The following B4GALNT3 variants were observed in gnomAD, a reference collection of about 807,000 sequenced individuals.
B4GALNT3 encodes beta-1,4-N-acetyl-galactosaminyltransferase 3.
Under a neutral mutation model 120.2 loss-of-function variants are expected in B4GALNT3, and 86 were observed. That is an observed-to-expected ratio of 0.72 (90% CI 0.60 to 0.86). B4GALNT3 has a LOEUF of 0.86. B4GALNT3 is among the 40% of genes least tolerant of loss of function. The pLI is 0.00. For missense variants in B4GALNT3, 1,167 were observed against 1,298.9 expected (o/e 0.90, Z 1.56); for synonymous variants, 518 against 510.4 (o/e 1.01, Z -0.20).
intron 14 of B4GALNT3, chr12:555,243 T>C: frequency 2.5e-6 from 1 of 401,772 alleles, no homozygotes. Context: ...TTCCCATTCC[T>C]CCTCCTACCC....
Position 561,647 on chromosome 12 carries a change from T to C in B4GALNT3, c.*196T>C. On this transcript the variant is annotated 3_prime_UTR_variant, in exon 20 of 20. Coordinates refer to ENST00000266383, the MANE Select transcript of B4GALNT3 (RefSeq NM_173593.4). ...GGCTCCTGTCTCTGCCTCCTGGGCC[T>C]TCAGAAGGGAGGACTTTGAGAGAGA... 1 of 568,490 alleles carries C rather than the reference T, an allele frequency of 1.8e-6. No individual in the cohort carries two copies. Among genetic ancestry groups the C allele is most frequent in the Admixed American group, 3.1e-5 (1 of 32,438 alleles). The allele number at this position is 568,490 out of a possible 1,614,324, so 35.2% of individuals were successfully genotyped here. A position where few individuals can be genotyped will look rare whatever the true frequency, so the allele number is the denominator to read the frequency against.
chr12:559,795 C>T lies in B4GALNT3; in HGVS notation c.2888+374C>T, dbSNP rs144099145. On this transcript the variant is annotated intron_variant, in intron 19 of 19. Transcript: ENST00000266383. ...AGTGCGCCTCCCGTCAGCTGCCGAG[C>T]GGGGAGCCCAGAGTTGTGGGAATGG... Among the ~76,000 whole-genome samples, 221 of 152,166 alleles carry T rather than the reference C, an allele frequency of 1.5e-3. 1 individual carries two copies. The highest frequency in any genetic ancestry group is 2.2e-3 in the Non-Finnish European group (151 of 67,998).
intron 1 of B4GALNT3, among the ~76,000 whole-genome samples, chr12:522,767 G>A (rs1326675190): frequency 6.8e-5 from 10 of 147,420 alleles, no homozygotes; most frequent in Non-Finnish European, 3.0e-5. Flanking sequence ...ACCCCTGTCT[G>A]TACCAAAAAA....
At chr12:512,948 T>C (rs1247378435) in intron 1 of B4GALNT3, among the ~76,000 whole-genome samples, 1 of 124,754 alleles carries the variant, frequency 8.0e-6, no homozygotes, top group Admixed American at 7.8e-5. Context: ...TTCCACCTTC[T>C]TCCACCTTCC....
intron 3 of B4GALNT3, among the ~76,000 whole-genome samples, chr12:537,972 A>G (rs1380470406): frequency 1.3e-5 from 2 of 152,280 alleles, no homozygotes; most frequent in African/African-American, 2.4e-5. Context: ...ATGGATTACA[A>G]TGCTGGCACA....
intron 1 of B4GALNT3, among the ~76,000 whole-genome samples, chr12:497,059 G>A (rs1423277640): frequency 1.3e-5 from 2 of 152,230 alleles, no homozygotes; most frequent in African/African-American, 2.4e-5. Context: ...GGTCTCAAAC[G>A]CCTGGCCTCA....
At chr12:502,666 C>G (rs1263173622) in intron 1 of B4GALNT3, among the ~76,000 whole-genome samples, 3 of 152,296 alleles carry the variant, frequency 2.0e-5, no homozygotes, top group Non-Finnish European at 4.4e-5. Context: ...GTTCTTAGCA[C>G]AGATTTGCAG....
chr12:484,544 G>T lies in B4GALNT3; in HGVS notation c.169+23999G>T, dbSNP rs115365419. 9.7e-3 allele frequency among the ~76,000 whole-genome samples: 1,481 copies of T among 152,264 alleles called. 20 individuals carry two copies. Among genetic ancestry groups the T allele is most frequent in the African/African-American group, 0.034 (1,412 of 41,550 alleles). Reference sequence around the variant, plus strand: ...GTCAATCAGTTAGATTTGAGAGGAGGAGTAGCCCAGCATCATTCTCCAGGT... The same window carrying T: ...GTCAATCAGTTAGATTTGAGAGGAGTAGTAGCCCAGCATCATTCTCCAGGT... On this transcript the variant is annotated intron_variant, in intron 1 of 19. Transcript: ENST00000266383.
chr12:489,742 A>G (rs965439706), intron 1 of B4GALNT3, among the ~76,000 whole-genome samples: 1 of 152,238 alleles, frequency 6.6e-6, no homozygotes, highest in Non-Finnish European at 1.5e-5. Context: ...ATTGAACTTA[A>G]CAGCACCATC....
intron 1 of B4GALNT3, among the ~76,000 whole-genome samples, chr12:522,296 T>C (rs1348373387): frequency 6.6e-6 from 1 of 152,124 alleles, no homozygotes; most frequent in East Asian, 1.9e-4. Context: ...ATAACCAAAA[T>C]GTGGTCTGTC....
chr12:497,343 G>T (rs1284389162), intron 1 of B4GALNT3, among the ~76,000 whole-genome samples: 1 of 152,046 alleles, frequency 6.6e-6, no homozygotes, highest in Non-Finnish European at 1.5e-5. Flanking sequence ...AGTAGAGACG[G>T]GGTTTCTCCA....
At chr12:517,063 A>G (rs1415573164) in intron 1 of B4GALNT3, among the ~76,000 whole-genome samples, 1 of 152,190 alleles carries the variant, frequency 6.6e-6, no homozygotes, top group East Asian at 1.9e-4. Context: ...AGGAAAAATC[A>G]AGAGTTAGGT....
chr12:538,783 A>G (rs1165378731), intron 3 of B4GALNT3, among the ~76,000 whole-genome samples: 1 of 152,168 alleles, frequency 6.6e-6, no homozygotes, highest in African/African-American at 2.4e-5. Flanking sequence ...ACACGCAGTC[A>G]CACAGCTGCA....
At chr12:517,949 A>G (rs1946672770) in intron 1 of B4GALNT3, among the ~76,000 whole-genome samples, 2 of 152,334 alleles carry the variant, frequency 1.3e-5, no homozygotes, top group Admixed American at 6.5e-5. Context: ...GAAACCAAAC[A>G]GAATTAGTTT....
Position 545,478 on chromosome 12 carries a change from A to G in B4GALNT3, c.639+9A>G. 6.3e-7 allele frequency: 1 copy of G among 1,590,514 alleles called. No homozygotes were observed. The highest frequency in any genetic ancestry group is 8.6e-7 in the Non-Finnish European group (1 of 1,168,402). ...TGGCCAGTGTGGGCAAGGTAAGGCC[A>G]GCTCAACCCCGGTCCCTCCCATCTG... On this transcript the variant is annotated intron_variant, in intron 6 of 19. Coordinates refer to ENST00000266383, the MANE Select transcript of B4GALNT3 (RefSeq NM_173593.4).
chr12:483,582 C>T (rs1298740850), intron 1 of B4GALNT3, among the ~76,000 whole-genome samples: 1 of 152,116 alleles, frequency 6.6e-6, no homozygotes, highest in African/African-American at 2.4e-5. Flanking sequence ...CCTGTGGTCC[C>T]AGCTACTCAG....
In B4GALNT3 at chr12:545,456, C is replaced by T; in HGVS notation, c.626C>T (p.Ala209Val). Residue 209 changes from alanine to valine, a missense_variant, in exon 6 of 20, where the codon GCC (alanine) becomes GTC (valine). Ala to Val is a moderately conservative substitution (Grantham distance 64). Around this residue, in one of 3 missense-constraint regions of B4GALNT3, gnomAD observed 983 missense variants for 1,102.5 expected, o/e 0.89. Transcript: ENST00000266383. ...CAGGTCTCAGGCCTCCAGCTGCTGGCCAGTGTGGGCAAGGTAAGGCCAGCT... is the reference window on the plus strand; with the variant it reads ...CAGGTCTCAGGCCTCCAGCTGCTGGTCAGTGTGGGCAAGGTAAGGCCAGCT... ...DDQVSGLQLL[A>V]SVGKTGKEWT... is the part of the protein sequence containing the mutation. 1 of 1,604,780 alleles carries T rather than the reference C, an allele frequency of 6.2e-7. No individual in the cohort carries two copies. The highest frequency in any genetic ancestry group is 8.5e-7 in the Non-Finnish European group (1 of 1,176,366).
In B4GALNT3 at chr12:548,131, C is replaced by A; in HGVS notation, c.786+29C>A. 2 of 1,611,590 alleles carry A rather than the reference C, an allele frequency of 1.2e-6. No individual in the cohort carries two copies. The highest frequency in any genetic ancestry group is 1.7e-6 in the Non-Finnish European group (2 of 1,177,720). The stretch of plus-strand genomic sequence containing the variant: ...AGTTTCCTGCTGCTCCCGCCTCTCC[C>A]AGCTCAGTTCCTGGCACTCATCTCC... On this transcript the variant is annotated intron_variant, in intron 8 of 19. Coordinates refer to ENST00000266383, the MANE Select transcript of B4GALNT3 (RefSeq NM_173593.4). This position sits in a 1 kb window ranked among gnomAD's most constrained non-coding sequence, Gnocchi z 4.9.
At chr12:504,442 C>T (rs896514145) in intron 1 of B4GALNT3, among the ~76,000 whole-genome samples, 16 of 147,954 alleles carry the variant, frequency 1.1e-4, no homozygotes, top group East Asian at 2.0e-4. Context: ...CTCTCCACCC[C>T]GCAGCCGCCC....
Sources: gnomAD v4.1 joint callset for allele counts (sites outside exome capture counted in the v4.1 genomes callset) on GRCh38, gnomAD v4.1.1 for gene constraint, gnomAD v4.1.1 regional missense constraint, Gnocchi (gnomAD v3.1) non-coding constraint, MANE v1.5 for transcripts, NCBI Gene and HGNC (gene_info 2026-07-23, HGNC 2026-07-21) for gene names.